The following RAB11FIP4 variants were observed in gnomAD, a reference collection of about 807,000 sequenced individuals.
RAB11FIP4 encodes the protein RAB11 family interacting protein 4.
A neutral mutation model predicts 74.3 loss-of-function variants in RAB11FIP4; 23 were observed. The ratio of observed to expected loss-of-function variants is 0.31; its 90% CI spans 0.22 to 0.44. The LOEUF (loss-of-function observed/expected upper bound fraction) is 0.44, where lower values mean the gene tolerates loss of function less well. Among genes scored for constraint, RAB11FIP4 ranks in the 20% least tolerant of loss-of-function variants. The pLI is 1.00. For synonymous variants in RAB11FIP4, 360 were observed against 359.9 expected (o/e 1.00, Z 0.00); for missense variants, 630 against 863.9 (o/e 0.73, Z 3.39).
intron 3 of RAB11FIP4, among the ~76,000 whole-genome samples, chr17:31,496,737 C>T (rs1180399084): frequency 6.6e-6 from 1 of 152,198 alleles, no homozygotes; most frequent in Non-Finnish European, 1.5e-5. Context: ...TGCTGTGGTC[C>T]CTGCAAGCTT....
At chr17:31,444,948 G>A (rs1006464598) in intron 3 of RAB11FIP4, among the ~76,000 whole-genome samples, 21 of 152,066 alleles carry the variant, frequency 1.4e-4, no homozygotes, top group Admixed American at 1.2e-3. Context: ...GTAACTGTGG[G>A]AAACACACAA....
intron 3 of RAB11FIP4, among the ~76,000 whole-genome samples, chr17:31,489,863 T>G (rs2071973623): frequency 1.3e-5 from 2 of 148,938 alleles, no homozygotes; most frequent in East Asian, 2.0e-4. Context: ...GCGAAGGGGG[T>G]GGAGTAAATG....
At chr17:31,424,473 A>T (rs905991716) in intron 1 of RAB11FIP4, among the ~76,000 whole-genome samples, 2 of 152,018 alleles carry the variant, frequency 1.3e-5, no homozygotes, top group African/African-American at 4.8e-5. Context: ...TGGAGTCACA[A>T]TCTTGGCTCA....
chr17:31,516,620 C>T (rs561978833), intron 3 of RAB11FIP4, among the ~76,000 whole-genome samples: 159 of 152,222 alleles, frequency 1.0e-3, no homozygotes, highest in Non-Finnish European at 1.1e-3. Flanking sequence ...CAGGCATGCG[C>T]CACCTCGCCC....
At position 31,537,279 on chromosome 17, in the gene RAB11FIP4, T is replaced by TCC. The variant is rs2072981526; in HGVS notation, c.*5549_*5550dup. 2 of 398,682 alleles carry TCC rather than the reference T, an allele frequency of 5.0e-6. No homozygotes were observed. Among genetic ancestry groups the TCC allele is most frequent in the Non-Finnish European group, 8.8e-6 (2 of 226,090 alleles). The allele number at this position is 398,682 out of a possible 1,614,324, so 24.7% of individuals were successfully genotyped here. A position where few individuals can be genotyped will look rare whatever the true frequency, so the allele number is the denominator to read the frequency against. ...TGCCTCCCCCAGGTGAGGCCAGCTCTCCCGGGCACATTCGTCCACAAGGAT... is the reference window on the plus strand; with the variant it reads ...TGCCTCCCCCAGGTGAGGCCAGCTCTCCCCCGGGCACATTCGTCCACAAGGAT... On this transcript the variant is annotated 3_prime_UTR_variant, in exon 15 of 15. Coordinates refer to ENST00000621161, the MANE Select transcript of RAB11FIP4 (RefSeq NM_032932.6).
At chr17:31,476,749 C>G (rs2142734073) in intron 3 of RAB11FIP4, among the ~76,000 whole-genome samples, 1 of 152,360 alleles carries the variant, frequency 6.6e-6, no homozygotes, top group African/African-American at 2.4e-5. Context: ...CACAGAAGCT[C>G]CTTCAGCCCT....
chr17:31,467,831 C>A (rs2071700198), intron 3 of RAB11FIP4, among the ~76,000 whole-genome samples: 1 of 152,214 alleles, frequency 6.6e-6, no homozygotes, highest in Non-Finnish European at 1.5e-5. Flanking sequence ...CTGCCCCGAG[C>A]TTGGGGCCCA....
At chr17:31,505,561 T>A (rs1296260865) in intron 3 of RAB11FIP4, among the ~76,000 whole-genome samples, 1 of 73,308 alleles carries the variant, frequency 1.4e-5, no homozygotes, top group Non-Finnish European at 2.6e-5. Flanking sequence ...TAATAATAAT[T>A]ATAATATATA....
chr17:31,438,992 C>A (rs2071385665), intron 3 of RAB11FIP4, among the ~76,000 whole-genome samples: 1 of 152,126 alleles, frequency 6.6e-6, no homozygotes, highest in African/African-American at 2.4e-5. Flanking sequence ...CAGGAAGCCT[C>A]CCTGACTCCT....
chr17:31,461,793 C>T (rs1460236545), intron 3 of RAB11FIP4, among the ~76,000 whole-genome samples: 1 of 151,976 alleles, frequency 6.6e-6, no homozygotes, highest in Non-Finnish European at 1.5e-5. Context: ...TCTCGACTCA[C>T]TAGAGATACA....
chr17:31,479,725 G>A (rs1030492978), intron 3 of RAB11FIP4, among the ~76,000 whole-genome samples: 4 of 152,182 alleles, frequency 2.6e-5, no homozygotes, highest in Non-Finnish European at 5.9e-5. Context: ...AGTTTGCCTG[G>A]TGGACAGAGG....
chr17:31,441,181 TGC>T (rs1284657921), intron 3 of RAB11FIP4, among the ~76,000 whole-genome samples: 3 of 151,958 alleles, frequency 2.0e-5, no homozygotes, highest in Non-Finnish European at 2.9e-5. Context: ...CCCACCACCA[TGC>T]CCGGCTAATT....
chr17:31,531,056 A>G (rs7216964), intron 14 of RAB11FIP4: 111,997 of 157,698 alleles, frequency 0.71, 40,540 homozygotes, highest in African/African-American at 0.86. Context: ...AACATGAATT[A>G]CAAGACACTC....
intron 3 of RAB11FIP4, among the ~76,000 whole-genome samples, chr17:31,455,109 A>G (rs1199098490): frequency 6.6e-6 from 1 of 152,206 alleles, no homozygotes; most frequent in Non-Finnish European, 1.5e-5. Flanking sequence ...AATAGAAAAA[A>G]GGCATACGAA....
intron 3 of RAB11FIP4, among the ~76,000 whole-genome samples, chr17:31,483,255 A>AGAATCAAGC (rs1349423688): frequency 4.0e-5 from 6 of 151,622 alleles, no homozygotes; most frequent in Non-Finnish European, 8.8e-5. Context: ...GTGCGTTGAC[A>AGAATCAAGC]GAATCAAGCC....
chr17:31,516,571 GC>G (rs752641720), intron 3 of RAB11FIP4, among the ~76,000 whole-genome samples: 117 of 152,336 alleles, frequency 7.7e-4, no homozygotes, highest in Non-Finnish European at 1.4e-3. Flanking sequence ...CTAGGTTCAC[GC>G]CATTCTCCTG....
Position 31,527,926 on chromosome 17 carries a change from GAGC to G in RAB11FIP4, c.1356+9_1356+11del, listed in dbSNP as rs752569881. The G allele has an allele frequency of 1.3e-6, 2 of 1,590,886 alleles. No individual in the cohort carries two copies. Among genetic ancestry groups the G allele is most frequent in the South Asian group, 2.3e-5 (2 of 87,186 alleles). ...CTCAAACAGAGAAACTGGATGAGGT[GAGC>G]AGCAGATCCAGGCTTGGAGGGGCAG... is the stretch of plus-strand genomic sequence containing the variant. On this transcript the variant is annotated splice_donor_5th_base_variant and intron_variant, in intron 11 of 14. Coordinates refer to ENST00000621161, the MANE Select transcript of RAB11FIP4 (RefSeq NM_032932.6).
intron 3 of RAB11FIP4, among the ~76,000 whole-genome samples, chr17:31,491,133 C>T (rs2071999703): frequency 6.6e-6 from 1 of 152,230 alleles, no homozygotes; most frequent in Non-Finnish European, 1.5e-5. Context: ...ATTTGGCAGT[C>T]CCACCTGGTG....
intron 13 of RAB11FIP4, among the ~76,000 whole-genome samples, chr17:31,529,893 C>T (rs939427315): frequency 5.3e-5 from 8 of 152,264 alleles, no homozygotes; most frequent in South Asian, 4.1e-4. Flanking sequence ...TGGGCGGGTC[C>T]GCCTGGGTCA....
Sources: allele counts gnomAD v4.1 joint callset (sites outside exome capture counted in the v4.1 genomes callset), GRCh38; gene constraint gnomAD v4.1.1; transcripts MANE v1.5; gene names NCBI Gene and HGNC (gene_info 2026-07-23, HGNC 2026-07-21).